NCEH1: variants seen among roughly 807,000 people sequenced by gnomAD.
NCEH1 encodes 2-acetyl MAGE hydrolase.
Under a neutral mutation model 25.4 loss-of-function variants are expected in NCEH1, and 9 were observed. That is an observed-to-expected ratio of 0.35 (90% CI 0.21 to 0.62). The LOEUF is 0.62. Among genes scored for constraint, NCEH1 ranks in the 20% least tolerant of loss-of-function variants. The pLI, the probability that NCEH1 is intolerant of heterozygous loss-of-function variation, is 0.72. For synonymous variants in NCEH1, 200 were observed against 199.8 expected (o/e 1.00, Z -0.01); for missense variants, 412 against 501.1 (o/e 0.82, Z 1.70).
chr3:172,672,907 C>A (rs1711724397), intron 1 of NCEH1, among the ~76,000 whole-genome samples: 1 of 152,190 alleles, frequency 6.6e-6, no homozygotes, highest in Non-Finnish European at 1.5e-5. Flanking sequence ...GAACTGTCCC[C>A]AGATATGGAG....
At chr3:172,700,130 A>G (rs1271740650) in intron 1 of NCEH1, among the ~76,000 whole-genome samples, 1 of 152,196 alleles carries the variant, frequency 6.6e-6, no homozygotes, top group African/African-American at 2.4e-5. Flanking sequence ...TATAGAGGTA[A>G]AAACTTAAAG....
At chr3:172,694,510 T>A (rs894438517) in intron 1 of NCEH1, among the ~76,000 whole-genome samples, 3 of 152,186 alleles carry the variant, frequency 2.0e-5, no homozygotes, top group African/African-American at 7.2e-5. Flanking sequence ...TTTTGACTAT[T>A]TCTTGTCAGA....
chr3:172,665,011 C>T (rs905874813), intron 1 of NCEH1, among the ~76,000 whole-genome samples: 33 of 152,140 alleles, frequency 2.2e-4, no homozygotes, highest in African/African-American at 7.2e-4. Flanking sequence ...GCTGGCGAGG[C>T]GCTGTGATCC....
At chr3:172,656,852 C>G (rs1717721030) in intron 1 of NCEH1, among the ~76,000 whole-genome samples, 1 of 152,098 alleles carries the variant, frequency 6.6e-6, no homozygotes, top group African/African-American at 2.4e-5. Flanking sequence ...TCTGATGAAA[C>G]TATCCATTAG....
At chr3:172,683,402 CAAAAAAAA>C (rs1165644401) in intron 1 of NCEH1, among the ~76,000 whole-genome samples, 1 of 15,690 alleles carries the variant, frequency 6.4e-5, no homozygotes, top group Non-Finnish European at 1.2e-4. Flanking sequence ...GACTCCGTCT[CAAAAAAAA>C]AAAAAAAAAA....
intron 1 of NCEH1, among the ~76,000 whole-genome samples, chr3:172,710,145 C>A (rs1234092909): frequency 6.6e-6 from 1 of 152,188 alleles, no homozygotes; most frequent in East Asian, 1.9e-4. Flanking sequence ...ATCTGACAGC[C>A]AAGGACATAA....
chr3:172,655,094 A>C (rs1717628746), intron 1 of NCEH1, among the ~76,000 whole-genome samples: 1 of 152,214 alleles, frequency 6.6e-6, no homozygotes, highest in South Asian at 2.1e-4. Context: ...GTAAAGATTC[A>C]GATTCACTCA....
intron 1 of NCEH1, among the ~76,000 whole-genome samples, chr3:172,657,840 A>G (rs1717774448): frequency 6.6e-6 from 1 of 152,166 alleles, no homozygotes; most frequent in African/African-American, 2.4e-5. Context: ...TTAACCTGCC[A>G]TTCTCTTTGG....
At position 172,683,366 on chromosome 3, in the gene NCEH1, G is replaced by A. The variant is rs565233801; in HGVS notation, c.138+27481C>T. ...TGCAGTGAGCCGAGATCCCGCCACT[G>A]CACTCCAGCCTGGGCGACAGAGCGA... On this transcript the variant is annotated intron_variant, in intron 1 of 4. Coordinates refer to ENST00000475381, the MANE Select transcript of NCEH1 (RefSeq NM_020792.6). Among the ~76,000 whole-genome samples, 3 of 51,178 alleles carry A rather than the reference G, an allele frequency of 5.9e-5. No individual in the cohort carries two copies. The Admixed American group carries it at 6.0e-4, about 10-fold the overall frequency. The allele number at this position is 51,178 out of a possible 152,430, so 33.6% of individuals were successfully genotyped here.
intron 1 of NCEH1, among the ~76,000 whole-genome samples, chr3:172,709,477 G>A (rs1319835879): frequency 6.6e-6 from 1 of 152,184 alleles, no homozygotes; most frequent in African/African-American, 2.4e-5. Context: ...TAAAGAAGGG[G>A]ATGATCATTT....
At chr3:172,689,408 G>A (rs558602940) in intron 1 of NCEH1, among the ~76,000 whole-genome samples, 3 of 151,150 alleles carry the variant, frequency 2.0e-5, no homozygotes, top group East Asian at 2.0e-4. Context: ...ACAAGCGCCC[G>A]CCTAATTTTT....
chr3:172,703,834 T>A (rs487167), intron 1 of NCEH1, among the ~76,000 whole-genome samples: 4,061 of 152,226 alleles, frequency 0.027, 169 homozygotes, highest in African/African-American at 0.092. Flanking sequence ...AGGTACTATC[T>A]GCAGAGACCA....
At chr3:172,683,655 G>A (rs1453559779) in intron 1 of NCEH1, among the ~76,000 whole-genome samples, 1 of 152,214 alleles carries the variant, frequency 6.6e-6, no homozygotes, top group Non-Finnish European at 1.5e-5. Flanking sequence ...TCCAGGCTGA[G>A]TGACAGGGCG....
At chr3:172,636,163 G>T in intron 3 of NCEH1, 76 bp from the exon 4 acceptor site, 1 of 935,192 alleles carries the variant, frequency 1.1e-6, no homozygotes, top group Non-Finnish European at 1.6e-6. Context: ...ATGGAAACTG[G>T]TTCTTTTAAA....
rs114543371 is a variant in NCEH1 at position 172,646,225 on chromosome 3, C to T, written c.368-533G>A. Reference sequence around the variant, plus strand: ...TTTTAATTAGCCAGGCATAGTGGTGCACGCCTGCAGTCCCAGTTGCTTGGG... The same window carrying T: ...TTTTAATTAGCCAGGCATAGTGGTGTACGCCTGCAGTCCCAGTTGCTTGGG... On this transcript the variant is annotated intron_variant, in intron 2 of 4. Coordinates refer to ENST00000475381, the MANE Select transcript of NCEH1 (RefSeq NM_020792.6). Among the ~76,000 whole-genome samples the T allele has an allele frequency of 3.9e-3, 598 of 152,182 alleles. 4 individuals carry two copies. The highest frequency in any genetic ancestry group is 0.014 in the African/African-American group (574 of 41,502).
rs554720841 is a variant in NCEH1, at chr3:172,678,463, A to T, written c.139-30349T>A. The stretch of plus-strand genomic sequence containing the variant: ...CAGGAGCAGCTTCTTGTTTTAACGG[A>T]TCCAAGACGTTGGAACAAGTCACTC... On this transcript the variant is annotated intron_variant, in intron 1 of 4. Coordinates refer to ENST00000475381, the MANE Select transcript of NCEH1 (RefSeq NM_020792.6). 6.6e-5 allele frequency among the ~76,000 whole-genome samples: 10 copies of T among 152,326 alleles called. No homozygotes were observed. The South Asian group carries it at 2.1e-3, about 32-fold the overall frequency.
chr3:172,681,708 G>A (rs1374201002), intron 1 of NCEH1, among the ~76,000 whole-genome samples: 1 of 141,856 alleles, frequency 7.0e-6, no homozygotes, highest in East Asian at 2.0e-4. Flanking sequence ...TGGCCAAGAT[G>A]GTAAAACCCT....
chr3:172,650,881 G>T (rs1465017336), intron 1 of NCEH1, among the ~76,000 whole-genome samples: 2 of 151,072 alleles, frequency 1.3e-5, no homozygotes, highest in Admixed American at 6.6e-5. Flanking sequence ...ATATGAAAGG[G>T]TAGGTAGATG....
intron 1 of NCEH1, among the ~76,000 whole-genome samples, chr3:172,665,284 C>T (rs13070700): frequency 0.34 from 51,247 of 152,048 alleles, 8,819 homozygotes; most frequent in South Asian, 0.38. Flanking sequence ...TGGGTATCAC[C>T]AGCAGAGGCT....
Sources: allele counts gnomAD v4.1 joint callset (sites outside exome capture counted in the v4.1 genomes callset), GRCh38; gene constraint gnomAD v4.1.1; transcripts MANE v1.5; gene names NCBI Gene and HGNC (gene_info 2026-07-23, HGNC 2026-07-21).